Variants in IPPK observed in about 807,000 individuals in gnomAD.
IPPK encodes inositol-pentakisphosphate 2-kinase.
Under a neutral mutation model 64.6 loss-of-function variants are expected in IPPK, and 22 were observed. The observed-to-expected ratio is 0.34, with a 90% CI of 0.24 to 0.49. The LOEUF (loss-of-function observed/expected upper bound fraction) is 0.49, where lower values mean the gene tolerates loss of function less well. Ranked by LOEUF, IPPK falls within the 20% of genes least tolerant of loss-of-function variation. IPPK has a pLI of 0.99. For synonymous variants in IPPK, 262 were observed against 247.2 expected (o/e 1.06, Z -0.56); for missense variants, 532 against 630.7 (o/e 0.84, Z 1.68).
chr9:92,646,161 T>C (rs897894049), intron 6 of IPPK, among the ~76,000 whole-genome samples: 6 of 151,960 alleles, frequency 3.9e-5, no homozygotes, highest in Non-Finnish European at 7.4e-5. Flanking sequence ...TGAAATGGAG[T>C]TGGTATTAAC....
chr9:92,649,068 G>C (rs1290811888), intron 5 of IPPK, among the ~76,000 whole-genome samples: 1 of 152,228 alleles, frequency 6.6e-6, no homozygotes, highest in Non-Finnish European at 1.5e-5. Flanking sequence ...AAGCAGGCAT[G>C]GCCAGCAGGG....
At chr9:92,669,848 C>T in intron 1 of IPPK, 60 bp downstream of exon 1, 2 of 1,240,390 alleles carry the variant, frequency 1.6e-6, no homozygotes, top group Non-Finnish European at 2.3e-6. Flanking sequence ...ATAATGGGGG[C>T]GGGGTGATAC....
At chr9:92,621,967 CA>C (rs1851646074) in intron 11 of IPPK, among the ~76,000 whole-genome samples, 1 of 152,174 alleles carries the variant, frequency 6.6e-6, no homozygotes, top group South Asian at 2.1e-4. Context: ...AAACATCTGC[CA>C]AAATCCCTAA....
chr9:92,625,273 A>G (rs17365717), intron 11 of IPPK, among the ~76,000 whole-genome samples: 5,519 of 152,310 alleles, frequency 0.036, 140 homozygotes, highest in Middle Eastern at 0.075. Flanking sequence ...ACATGGGGAA[A>G]CTGTCTTCAA....
At chr9:92,669,760 G>A (rs944735563) in intron 1 of IPPK, 148 bp downstream of exon 1, 65 of 618,376 alleles carry the variant, frequency 1.1e-4, no homozygotes, top group African/African-American at 1.0e-3. Flanking sequence ...GATGCTGGAG[G>A]GTGGGGGAAT....
chr9:92,648,443 T>C (rs1007306249), intron 5 of IPPK, among the ~76,000 whole-genome samples: 3 of 152,196 alleles, frequency 2.0e-5, no homozygotes, highest in Admixed American at 6.5e-5. Context: ...CATTCAAGAA[T>C]GTGACTGCAA....
At chr9:92,638,424 T>G (rs1176347994) in intron 8 of IPPK, 144 bp from the exon 9 acceptor site, 10 of 839,992 alleles carry the variant, frequency 1.2e-5, no homozygotes, top group Non-Finnish European at 1.8e-5. Context: ...CGCTGCATAC[T>G]CCGGCTCCTC....
In IPPK at chr9:92,638,117, C is replaced by T. The variant is rs150868938; in HGVS notation, c.800G>A (p.Arg267Gln). ...VIRELVHVIT[R>Q]VLLSGSDKGR... ...CTTGTCCGAGCCACTCAGCAGCACC[C>T]GTGTGATCACGTGCACCAGCTCCCT... Residue 267 changes from arginine to glutamine, a missense_variant, in exon 9 of 13, where the codon CGG (arginine) becomes CAG (glutamine). Coordinates refer to ENST00000287996, the MANE Select transcript of IPPK (RefSeq NM_022755.6). 1.2e-4 allele frequency: 195 copies of T among 1,613,998 alleles called. No individual in the cohort carries two copies. The highest frequency in any genetic ancestry group is 1.6e-4 in the Non-Finnish European group (185 of 1,180,028).
rs184013268 is a variant in IPPK at position 92,667,747 on chromosome 9, A to G, written c.81+2161T>C. Among the ~76,000 whole-genome samples the G allele has an allele frequency of 4.4e-3, 672 of 151,688 alleles. 3 individuals carry two copies. The highest frequency in any genetic ancestry group is 7.4e-3 in the Non-Finnish European group (506 of 67,942). On this transcript the variant is annotated intron_variant, in intron 1 of 12. Transcript: ENST00000287996. ...CAGTCTGGCTAACGTGGTGAAATAC[A>G]AAAAAATTAGCCAGGCATGGTGGCA...
chr9:92,628,733 C>T (rs995530501), intron 11 of IPPK, among the ~76,000 whole-genome samples: 8 of 152,050 alleles, frequency 5.3e-5, no homozygotes, highest in Non-Finnish European at 7.4e-5. Context: ...AAAAATTAGC[C>T]GGGCATGGTG....
intron 2 of IPPK, among the ~76,000 whole-genome samples, chr9:92,657,691 A>C (rs1852400831): frequency 6.6e-6 from 1 of 152,130 alleles, no homozygotes; most frequent in African/African-American, 2.4e-5. Context: ...CAGAAACCGC[A>C]AGACAGTGGG....
At chr9:92,641,380 ACATTCAGAAAGG>A (rs67081410) in intron 7 of IPPK, among the ~76,000 whole-genome samples, 58,186 of 151,974 alleles carry the variant, frequency 0.38, 13,759 homozygotes, top group African/African-American at 0.67. Flanking sequence ...CCACAAGCAC[ACATTCAGAAAGG>A]CATCCAGTAT....
chr9:92,633,994 G>A (rs531803834), intron 11 of IPPK, among the ~76,000 whole-genome samples: 7 of 152,346 alleles, frequency 4.6e-5, no homozygotes, highest in Admixed American at 2.0e-4. Flanking sequence ...GAAGGAAGCC[G>A]CCCGCATACA....
rs770401892 is a variant in IPPK, at chr9:92,635,362, A to C, written c.917-54T>G. On this transcript the variant is annotated intron_variant, in intron 9 of 12. Coordinates refer to ENST00000287996, the MANE Select transcript of IPPK (RefSeq NM_022755.6). The surrounding 1 kb of genome is among the most constrained non-coding windows in gnomAD (Gnocchi z 4.4). ...GCATGTTGATTATCAAAGAACGTGG[A>C]GGGAGACACAGGCCGGCGCAGACCG... The C allele has an allele frequency of 1.3e-6, 2 of 1,572,304 alleles. No individual in the cohort carries two copies. The highest frequency in any genetic ancestry group is 2.3e-5 in the South Asian group (2 of 85,936).
At chr9:92,663,602 T>C (rs1852532455) in intron 1 of IPPK, among the ~76,000 whole-genome samples, 1 of 152,094 alleles carries the variant, frequency 6.6e-6, no homozygotes, top group Non-Finnish European at 1.5e-5. Flanking sequence ...TGGTGTTAAA[T>C]AAAAATAGAA....
chr9:92,650,965 T>C (rs1312948528), intron 4 of IPPK, among the ~76,000 whole-genome samples: 1 of 152,040 alleles, frequency 6.6e-6, no homozygotes. Context: ...CCAAGTCTGG[T>C]TTTTATCACT....
intron 4 of IPPK, among the ~76,000 whole-genome samples, chr9:92,651,874 C>G (rs1366844310): frequency 6.6e-6 from 1 of 152,072 alleles, no homozygotes; most frequent in Non-Finnish European, 1.5e-5. Flanking sequence ...CGCCACTACG[C>G]CCAGCTAATT....
chr9:92,630,945 T>C (rs1027649101), intron 11 of IPPK, among the ~76,000 whole-genome samples: 5 of 152,180 alleles, frequency 3.3e-5, no homozygotes, highest in African/African-American at 7.2e-5. Context: ...GGGGGCCAAA[T>C]GCAGCCCACC....
At position 92,613,263 on chromosome 9, in the gene IPPK, T is replaced by C; in HGVS notation, c.*2569A>G. ...GAAACCACACCCTGAAGACGTGCTGTCTATGCAGTTATGGCACATTATATG... is the reference window on the plus strand; with the variant it reads ...GAAACCACACCCTGAAGACGTGCTGCCTATGCAGTTATGGCACATTATATG... On this transcript the variant is annotated 3_prime_UTR_variant, in exon 13 of 13. Coordinates refer to ENST00000287996, the MANE Select transcript of IPPK (RefSeq NM_022755.6). The C allele has an allele frequency of 1.6e-6, 2 of 1,244,166 alleles. No individual in the cohort carries two copies. The highest frequency in any genetic ancestry group is 2.3e-6 in the Non-Finnish European group (2 of 866,774). 77.1% of individuals were successfully genotyped at this position (1,244,166 alleles called of 1,614,324 possible). A position where few individuals can be genotyped will look rare whatever the true frequency, so the allele number is the denominator to read the frequency against.
Sources: allele counts gnomAD v4.1 joint callset (sites outside exome capture counted in the v4.1 genomes callset), GRCh38; gene constraint gnomAD v4.1.1; non-coding constraint Gnocchi (gnomAD v3.1); transcripts MANE v1.5; gene names NCBI Gene and HGNC (gene_info 2026-07-23, HGNC 2026-07-21).